Variants in HOOK1 observed in about 807,000 individuals in gnomAD.
HOOK1 encodes hook microtubule tethering protein 1.
HOOK1 carries 60 observed loss-of-function variants against 112.8 expected under a neutral mutation model. The ratio of observed to expected loss-of-function variants is 0.53; its 90% CI spans 0.43 to 0.66. HOOK1 has a LOEUF of 0.66. Ranked by LOEUF, HOOK1 falls within the 30% of genes least tolerant of loss-of-function variation. The pLI is 0.00. For missense variants in HOOK1, 770 were observed against 856.0 expected (o/e 0.90, Z 1.25); for synonymous variants, 294 against 283.8 (o/e 1.04, Z -0.36).
chr1:59,823,476 C>T (rs2098387405), intron 2 of HOOK1, among the ~76,000 whole-genome samples: 1 of 152,144 alleles, frequency 6.6e-6, no homozygotes, highest in South Asian at 2.1e-4. Context: ...TTATGCCTTG[C>T]CTTCTTCTCA....
chr1:59,854,685 T>C (rs2098409580), intron 12 of HOOK1, among the ~76,000 whole-genome samples: 1 of 152,224 alleles, frequency 6.6e-6, no homozygotes, highest in Non-Finnish European at 1.5e-5. Flanking sequence ...TTTTAAGTGA[T>C]GAATCCTTTT....
At chr1:59,822,990 C>T (rs12076272) in intron 2 of HOOK1, among the ~76,000 whole-genome samples, 9,529 of 152,226 alleles carry the variant, frequency 0.063, 769 homozygotes, top group African/African-American at 0.18. Flanking sequence ...TATTGTAAAA[C>T]ATACCTTACT....
At chr1:59,822,007 C>T in intron 2 of HOOK1, 64 bp downstream of exon 2, 2 of 1,315,858 alleles carry the variant, frequency 1.5e-6, no homozygotes, top group Non-Finnish European at 2.2e-6. Flanking sequence ...AGGAAGAAAA[C>T]TTGGACTTGA....
At chr1:59,871,564 T>TA (rs1644055781) in intron 21 of HOOK1, among the ~76,000 whole-genome samples, 1 of 152,182 alleles carries the variant, frequency 6.6e-6, no homozygotes, top group Non-Finnish European at 1.5e-5. Flanking sequence ...TTATTTTTTT[T>TA]ATCCAGGGGT....
intron 12 of HOOK1, among the ~76,000 whole-genome samples, chr1:59,854,114 C>T (rs184600951): frequency 0.016 from 1,986 of 122,042 alleles, 62 homozygotes; most frequent in African/African-American, 0.06. Flanking sequence ...TGCAGTGACA[C>T]GATTTTGGCT....
At chr1:59,856,848 C>A in intron 12 of HOOK1, among the ~76,000 whole-genome samples, 1 of 152,080 alleles carries the variant, frequency 6.6e-6, no homozygotes, top group East Asian at 1.9e-4. Flanking sequence ...TTGCTCAGGG[C>A]CTCATGTTTA....
In HOOK1 at chr1:59,839,178, C is replaced by T. The variant is rs555581979; in HGVS notation, c.538-1130C>T. ...CTTGCACACAATTGCCTTGGCTATGCGGGCTCTTTTTTGGTTCCATATGAA... is the reference window on the plus strand; with the variant it reads ...CTTGCACACAATTGCCTTGGCTATGTGGGCTCTTTTTTGGTTCCATATGAA... On this transcript the variant is annotated intron_variant, in intron 7 of 21. Transcript: ENST00000371208. Among the ~76,000 whole-genome samples, 14 of 152,200 alleles carry T rather than the reference C, an allele frequency of 9.2e-5. 1 individual carries two copies. The South Asian group carries it at 2.3e-3, about 25-fold the overall frequency.
At chr1:59,857,241 C>CCA (rs1186389355) in intron 12 of HOOK1, among the ~76,000 whole-genome samples, 1 of 151,932 alleles carries the variant, frequency 6.6e-6, no homozygotes, top group African/African-American at 2.4e-5. Flanking sequence ...AGCCCCATAT[C>CCA]CATCCAGTCT....
intron 12 of HOOK1, among the ~76,000 whole-genome samples, chr1:59,855,870 A>G (rs1395223459): frequency 6.8e-6 from 1 of 146,672 alleles, no homozygotes; most frequent in Admixed American, 6.9e-5. Flanking sequence ...CCCCTTGGGC[A>G]TCAAGCAGTC....
intron 12 of HOOK1, among the ~76,000 whole-genome samples, chr1:59,857,793 G>T (rs775935158): frequency 9.2e-5 from 14 of 152,146 alleles, no homozygotes; most frequent in Non-Finnish European, 1.9e-4. Flanking sequence ...TTTGTCATTG[G>T]TGTAGGCTGT....
intron 21 of HOOK1, 30 bp downstream of exon 21, chr1:59,871,140 G>A (rs750337878): frequency 1.3e-6 from 2 of 1,529,478 alleles, no homozygotes; most frequent in Non-Finnish European, 1.8e-6. Flanking sequence ...ATGATTGGAT[G>A]AGAACGGTGT....
chr1:59,830,489 C>T (rs948125595), intron 3 of HOOK1, among the ~76,000 whole-genome samples: 2 of 152,038 alleles, frequency 1.3e-5, no homozygotes, highest in Non-Finnish European at 2.9e-5. Context: ...CAAATTAGCT[C>T]TAATATTAAT....
rs912751209 is a variant in HOOK1 at position 59,832,052 on chromosome 1, GT to G, written c.223-106del. 1.2e-4 allele frequency: 70 copies of G among 593,908 alleles called. 1 individual carries two copies. In the Admixed American group the frequency reaches 1.6e-3, roughly 13 times the overall value. 36.8% of individuals were successfully genotyped at this position (593,908 alleles called of 1,614,324 possible). A position where few individuals can be genotyped will look rare whatever the true frequency, so the allele number is the denominator to read the frequency against. On this transcript the variant is annotated intron_variant, in intron 3 of 21. Transcript: ENST00000371208. ...TGTATTTATAGAACTCTATTATAAT[GT>G]TTTTGTTGTTCTTTTTAATTAGGGG...
intron 9 of HOOK1, among the ~76,000 whole-genome samples, chr1:59,846,580 T>TCCC (rs1282544722): frequency 0.14 from 12,533 of 87,922 alleles, 3,425 homozygotes; most frequent in East Asian, 0.28. Flanking sequence ...CCTTCCTTCC[T>TCCC]TCCTTCCTCC....
At chr1:59,847,519 G>A (rs1047882561) in intron 10 of HOOK1, among the ~76,000 whole-genome samples, 3 of 151,466 alleles carry the variant, frequency 2.0e-5, no homozygotes, top group African/African-American at 7.3e-5. Context: ...TTTGTGTAAG[G>A]AAATTTTTGT....
At chr1:59,845,731 C>T (rs1319903011) in intron 9 of HOOK1, among the ~76,000 whole-genome samples, 1 of 151,722 alleles carries the variant, frequency 6.6e-6, no homozygotes, top group Non-Finnish European at 1.5e-5. Context: ...CCACTTTGTT[C>T]ATACTTTATT....
intron 12 of HOOK1, among the ~76,000 whole-genome samples, chr1:59,853,452 C>T (rs989449490): frequency 6.6e-6 from 1 of 151,734 alleles, no homozygotes; most frequent in Non-Finnish European, 1.5e-5. Flanking sequence ...ATTTTTTTCA[C>T]CCTTTTATTT....
chr1:59,824,074 T>G (rs1283376012), intron 2 of HOOK1, among the ~76,000 whole-genome samples: 1 of 152,250 alleles, frequency 6.6e-6, no homozygotes, highest in Non-Finnish European at 1.5e-5. Context: ...TTGGAACTTT[T>G]CAGAAGTCTG....
chr1:59,839,848 T>A (rs1407284659), intron 7 of HOOK1, among the ~76,000 whole-genome samples: 2 of 152,216 alleles, frequency 1.3e-5, no homozygotes, highest in Non-Finnish European at 2.9e-5. Context: ...GCTCTTATTA[T>A]GTTTAGATAC....
Sources: allele counts gnomAD v4.1 joint callset (sites outside exome capture counted in the v4.1 genomes callset), GRCh38; gene constraint gnomAD v4.1.1; transcripts MANE v1.5; gene names NCBI Gene and HGNC (gene_info 2026-07-23, HGNC 2026-07-21).